Variants in SMARCE1 observed in about 807,000 individuals in gnomAD.
SMARCE1 encodes the protein SWI/SNF-related matrix-associated actin-dependent regulator of chromatin subfamily E member 1.
SMARCE1 carries 13 observed loss-of-function variants against 54.9 expected under a neutral mutation model. The observed-to-expected ratio is 0.24, with a 90% CI of 0.15 to 0.38. The LOEUF is 0.38. SMARCE1 is among the 10% of genes least tolerant of loss of function. The pLI is 1.00. For synonymous variants in SMARCE1, 151 were observed against 175.3 expected (o/e 0.86, Z 1.10); for missense variants, 295 against 523.8 (o/e 0.56, Z 4.26).
chr17:40,632,282 C>G lies in SMARCE1; in HGVS notation c.627G>C (p.Glu209Asp). Residue 209 changes from glutamate (E) to aspartate (D), a missense_variant, in exon 8 of 11, where the codon GAG becomes GAC. Coordinates refer to ENST00000348513, the MANE Select transcript of SMARCE1 (RefSeq NM_003079.5). ...CTGACCGAACGTCTGGCACCACACT[C>G]TCACTAAGAATTTCACTGATGAGGC... ...NHRLISEILS[E>D]SVVPDVRSVV... is the part of the protein sequence containing the mutation. The G allele has an allele frequency of 2.5e-6, 4 of 1,614,032 alleles. No homozygotes were observed. Among genetic ancestry groups the G allele is most frequent in the Non-Finnish European group, 3.4e-6 (4 of 1,179,904 alleles).
rs772963206 is a variant in SMARCE1 at position 40,630,194 on chromosome 17, T to A, written c.1027+520A>T. ...TAAGTTTTATTTATACAAGTTATTA[T>A]TATTATTTTTTACCTTGAGGGATGC... is the stretch of plus-strand genomic sequence containing the variant. On this transcript the variant is annotated intron_variant, in intron 10 of 10. Coordinates refer to ENST00000348513, the MANE Select transcript of SMARCE1 (RefSeq NM_003079.5). 2.5e-6 allele frequency: 3 copies of A among 1,200,124 alleles called. No homozygotes were observed. In the East Asian group the frequency reaches 7.6e-5, roughly 30 times the overall value. 74.3% of individuals were successfully genotyped at this position (1,200,124 alleles called of 1,614,324 possible). A position where few individuals can be genotyped will look rare whatever the true frequency, so the allele number is the denominator to read the frequency against.
At chr17:40,632,648 T>C (rs2037106653) in intron 7 of SMARCE1, 1 of 329,752 alleles carries the variant, frequency 3.0e-6, no homozygotes, top group Non-Finnish European at 5.5e-6. Flanking sequence ...AACATGTCTC[T>C]TCTGGCTTCG....
rs11654834 is a variant in SMARCE1, at chr17:40,632,096, C to T, written c.714+99G>A. ...CCAAATCAGGAACAGGTTAGATTGA[C>T]ATATTTAACAGGTAGATTTAGGCAT... On this transcript the variant is annotated intron_variant, in intron 8 of 10. Coordinates refer to ENST00000348513, the MANE Select transcript of SMARCE1 (RefSeq NM_003079.5). The T allele has an allele frequency of 0.52, 471,193 of 911,946 alleles. 125,246 individuals are homozygous for T. Among genetic ancestry groups the T allele is most frequent in the Non-Finnish European group, 0.57 (332,303 of 588,108 alleles). The allele number at this position is 911,946 out of a possible 1,614,324, so 56.5% of individuals were successfully genotyped here.
chr17:40,637,107 AT>A (rs1166971536), intron 5 of SMARCE1: 1 of 189,550 alleles, frequency 5.3e-6, no homozygotes, highest in Non-Finnish European at 1.1e-5. Flanking sequence ...AGAGATAATT[AT>A]TGTCTTCTGT....
chr17:40,636,086 G>T lies in SMARCE1; in HGVS notation c.386C>A (p.Ser129Tyr), dbSNP rs769255223. ...GGGGGAATTATGATAGGCCTTCATA[G>T]ATTCATTGTACTCTATCTGAAATTC... ...YEAEKIEYNE[S>Y]MKAYHNSPAY... Residue 129 changes from serine to tyrosine, a missense_variant, in exon 7 of 11, where the codon TCT (serine) becomes TAT (tyrosine). Physicochemically the swap from Ser to Tyr is moderately radical, Grantham distance 144. Coordinates refer to ENST00000348513, the MANE Select transcript of SMARCE1 (RefSeq NM_003079.5). 3 of 1,607,088 alleles carry T rather than the reference G, an allele frequency of 1.9e-6. No individual in the cohort carries two copies. The highest frequency in any genetic ancestry group is 2.5e-6 in the Non-Finnish European group (3 of 1,177,716).
chr17:40,640,187 G>A (rs2037183718), intron 4 of SMARCE1: 1 of 152,166 alleles, frequency 6.6e-6, no homozygotes. Context: ...TTATTTAAGA[G>A]CTTTCTTCTG....
chr17:40,644,079 T>A (rs1272372881), intron 3 of SMARCE1: 2 of 152,362 alleles, frequency 1.3e-5, no homozygotes, highest in African/African-American at 4.8e-5. Flanking sequence ...TAATCCCTAG[T>A]CTTCTATATT....
At chr17:40,637,119 G>T in intron 5 of SMARCE1, 1 of 207,290 alleles carries the variant, frequency 4.8e-6, no homozygotes, top group Non-Finnish European at 9.8e-6. Context: ...TGTCTTCTGT[G>T]TTTTCCCCCT....
At chr17:40,632,458 G>A (rs1567845912) in intron 7 of SMARCE1, 91 bp from the exon 8 acceptor site, 4 of 1,071,668 alleles carry the variant, frequency 3.7e-6, no homozygotes, top group Admixed American at 2.2e-5. Context: ...AACGAACTAT[G>A]GCCCTCACTG....
chr17:40,640,493 C>G (rs546720506), intron 4 of SMARCE1: 1 of 152,186 alleles, frequency 6.6e-6, no homozygotes, highest in African/African-American at 2.4e-5. Context: ...TCCTTGAAAA[C>G]CACTAATGCA....
At chr17:40,636,558 T>C in intron 5 of SMARCE1, 32 bp from the exon 6 acceptor site, 2 of 1,578,524 alleles carry the variant, frequency 1.3e-6, no homozygotes, top group Non-Finnish European at 1.7e-6. Context: ...ATGTTAATAC[T>C]GATGTCTAAA....
Position 40,642,530 on chromosome 17 carries a change from T to G in SMARCE1, c.81A>C (p.Gly27=). The change falls in exon 4 of 11, where the codon GGA becomes GGC. Residue 27 remains glycine (G), a synonymous_variant. Transcript: ENST00000348513. The surrounding 1 kb of genome is among the most constrained non-coding windows in gnomAD (Gnocchi z 4.6). ...TQMPSTPGFV[G]YNPYSHLAYN... is the part of the protein sequence containing the mutation. ...AGGCGAGATGACTGTATGGATTGTA[T>G]CCCACAAACCCTGGTGTGCTGGGCA... The G allele has an allele frequency of 6.2e-7, 1 of 1,611,140 alleles. No homozygotes were observed. The highest frequency in any genetic ancestry group is 8.5e-7 in the Non-Finnish European group (1 of 1,178,832).
At chr17:40,630,671 C>T (rs1296697614) in intron 10 of SMARCE1, 43 bp downstream of exon 10, 9 of 1,524,528 alleles carry the variant, frequency 5.9e-6, no homozygotes, top group Admixed American at 1.7e-5. Flanking sequence ...GACAGCCGTA[C>T]AAAGTCTTGG....
At chr17:40,636,920 T>C (rs1597746572) in intron 5 of SMARCE1, 3 of 161,912 alleles carry the variant, frequency 1.9e-5, no homozygotes, top group East Asian at 3.6e-4. Flanking sequence ...ACAAATATAA[T>C]AGTCAAGATC....
intron 7 of SMARCE1, chr17:40,632,769 G>A (rs1372042387): frequency 1.9e-5 from 3 of 160,296 alleles, no homozygotes; most frequent in Non-Finnish European, 4.1e-5. Flanking sequence ...CATATGAACT[G>A]GGCAGTGACT....
intron 6 of SMARCE1, 116 bp from the exon 7 acceptor site, chr17:40,636,218 T>G: frequency 8.4e-7 from 1 of 1,196,708 alleles, no homozygotes; most frequent in South Asian, 1.5e-5. Context: ...TTGGGATAAT[T>G]ATCTCCTTTT....
chr17:40,646,415 T>C (rs1259487263), intron 1 of SMARCE1, among the ~76,000 whole-genome samples: 2 of 152,224 alleles, frequency 1.3e-5, no homozygotes, highest in Admixed American at 6.5e-5. Context: ...AAAACTTTTA[T>C]TCATCATTCA....
At chr17:40,632,693 T>A (rs1039124333) in intron 7 of SMARCE1, 1 of 221,590 alleles carries the variant, frequency 4.5e-6, no homozygotes, top group African/African-American at 2.3e-5. Context: ...ATGGCAGTAA[T>A]TGAAATTCTG....
At chr17:40,646,930 C>T (rs928171580) in intron 1 of SMARCE1, among the ~76,000 whole-genome samples, 1 of 152,168 alleles carries the variant, frequency 6.6e-6, no homozygotes, top group African/African-American at 2.4e-5. Context: ...TAAAGAACAG[C>T]CAGAAACCTT....
Sources: gnomAD v4.1 joint callset for allele counts (sites outside exome capture counted in the v4.1 genomes callset) on GRCh38, gnomAD v4.1.1 for gene constraint, Gnocchi (gnomAD v3.1) non-coding constraint, MANE v1.5 for transcripts, NCBI Gene and HGNC (gene_info 2026-07-23, HGNC 2026-07-21) for gene names.